Variants in AKAP10 observed in about 807,000 individuals in gnomAD.
The protein encoded by AKAP10 is A-kinase anchoring protein 10.
In AKAP10, 24 loss-of-function variants were observed where a neutral mutation model predicts 80.8. The ratio of observed to expected loss-of-function variants is 0.30; its 90% CI spans 0.22 to 0.42. AKAP10 has a LOEUF of 0.42. Ranked by LOEUF, AKAP10 falls within the 10% of genes least tolerant of loss-of-function variation. AKAP10 has a pLI of 1.00. For synonymous variants in AKAP10, 291 were observed against 277.7 expected (o/e 1.05, Z -0.48); for missense variants, 661 against 794.9 (o/e 0.83, Z 2.03).
chr17:19,947,411 G>T lies in AKAP10; in HGVS notation c.972C>A (p.Ile324=). ...IPITEAMRND[I]IARICGEDGQ... is the part of the protein sequence containing the mutation. Reference sequence around the variant, plus strand: ...ATAGTTTCAAGCACTGCTTACCTATGATGTCATTTCTCATTGCTTCTGTAA... The same window carrying T: ...ATAGTTTCAAGCACTGCTTACCTATTATGTCATTTCTCATTGCTTCTGTAA... The change falls in exon 5 of 15, where the codon ATC becomes ATA. Residue 324 remains isoleucine (I), a synonymous_variant. Transcript: ENST00000225737. The T allele has an allele frequency of 6.2e-7, 1 of 1,601,832 alleles. No homozygotes were observed.
chr17:19,926,220 G>A (rs1567756092), intron 10 of AKAP10, among the ~76,000 whole-genome samples: 2 of 150,268 alleles, frequency 1.3e-5, no homozygotes. Flanking sequence ...AAATCCATAG[G>A]ATCATTTATA....
At chr17:19,939,035 A>G (rs1293929049) in intron 8 of AKAP10, among the ~76,000 whole-genome samples, 2 of 152,158 alleles carry the variant, frequency 1.3e-5, no homozygotes, top group Non-Finnish European at 2.9e-5. Flanking sequence ...CCCGACCACG[A>G]ATTACTTTTT....
chr17:19,942,044 G>A (rs2043055642), intron 5 of AKAP10, 134 bp from the exon 6 acceptor site: 1 of 512,654 alleles, frequency 2.0e-6, no homozygotes, highest in Non-Finnish European at 3.1e-6. Flanking sequence ...AGAAAATACA[G>A]GTAACACTTG....
intron 5 of AKAP10, among the ~76,000 whole-genome samples, chr17:19,942,811 T>A (rs2043063597): frequency 1.3e-5 from 2 of 152,172 alleles, no homozygotes; most frequent in Admixed American, 1.3e-4. Context: ...GGGATCATAC[T>A]AGTGTCCTGG....
chr17:19,920,225 C>T (rs2042795067), intron 11 of AKAP10, 107 bp from the exon 12 acceptor site: 1 of 743,902 alleles, frequency 1.3e-6, no homozygotes, highest in Non-Finnish European at 2.2e-6. Context: ...GCCAGAAACA[C>T]AATTTATAGC....
chr17:19,906,578 A>G (rs923522113), intron 14 of AKAP10, among the ~76,000 whole-genome samples: 1 of 152,234 alleles, frequency 6.6e-6, no homozygotes, highest in Non-Finnish European at 1.5e-5. Context: ...AGCATATTCA[A>G]GAGGGATGGT....
intron 10 of AKAP10, chr17:19,929,235 G>C (rs1034088987): frequency 2.6e-5 from 4 of 152,154 alleles, no homozygotes; most frequent in Non-Finnish European, 5.9e-5. Context: ...TTTAAGTAAA[G>C]GGGGTTTCTA....
At chr17:19,925,119 G>C (rs1280001305) in intron 10 of AKAP10, among the ~76,000 whole-genome samples, 2 of 152,154 alleles carry the variant, frequency 1.3e-5, no homozygotes, top group East Asian at 1.9e-4. Context: ...AGCCAAGATT[G>C]TACCACTGCA....
At chr17:19,955,283 C>T (rs924666477) in intron 4 of AKAP10, among the ~76,000 whole-genome samples, 45 of 151,976 alleles carry the variant, frequency 3.0e-4, no homozygotes, top group Non-Finnish European at 2.9e-5. Flanking sequence ...GAAAGATCAG[C>T]GGTTGCCAAG....
chr17:19,925,445 T>C (rs1328159415), intron 10 of AKAP10, among the ~76,000 whole-genome samples: 3 of 152,160 alleles, frequency 2.0e-5, no homozygotes, highest in Non-Finnish European at 4.4e-5. Flanking sequence ...TCCTCCAGCA[T>C]TCTACCTCCT....
chr17:19,963,979 C>A (rs954006802), intron 2 of AKAP10, among the ~76,000 whole-genome samples: 1 of 151,872 alleles, frequency 6.6e-6, no homozygotes, highest in Non-Finnish European at 1.5e-5. Flanking sequence ...TCAGTATCAC[C>A]CCTTTGGCTT....
intron 4 of AKAP10, among the ~76,000 whole-genome samples, chr17:19,952,464 C>CAATA (rs57806192): frequency 0.073 from 10,886 of 148,146 alleles, 439 homozygotes; most frequent in Middle Eastern, 0.1. Flanking sequence ...AACTCTGTCT[C>CAATA]AATAAATAAA....
chr17:19,920,254 G>T, intron 11 of AKAP10, 136 bp from the exon 12 acceptor site: 1 of 604,104 alleles, frequency 1.7e-6, no homozygotes, highest in Non-Finnish European at 2.9e-6. Context: ...GTAATTTAAA[G>T]TAGGGATTAT....
At chr17:19,955,818 G>T (rs977910089) in intron 4 of AKAP10, among the ~76,000 whole-genome samples, 1 of 151,966 alleles carries the variant, frequency 6.6e-6, no homozygotes, top group Non-Finnish European at 1.5e-5. Context: ...CTGGGTGACA[G>T]AGTGAGACTC....
At chr17:19,952,959 A>G (rs1403941454) in intron 4 of AKAP10, among the ~76,000 whole-genome samples, 2 of 152,208 alleles carry the variant, frequency 1.3e-5, no homozygotes, top group Admixed American at 1.3e-4. Flanking sequence ...AACTGTCCAA[A>G]AACAGAATGT....
chr17:19,919,982 G>A, intron 12 of AKAP10, 54 bp downstream of exon 12: 1 of 1,448,820 alleles, frequency 6.9e-7, no homozygotes, highest in East Asian at 2.3e-5. Flanking sequence ...TTGACTTACA[G>A]TCAATCACTA....
chr17:19,951,658 G>A (rs1267111232), intron 4 of AKAP10, among the ~76,000 whole-genome samples: 2 of 152,048 alleles, frequency 1.3e-5, no homozygotes, highest in Non-Finnish European at 2.9e-5. Flanking sequence ...ATTAAGGGTG[G>A]TGCAAGATGT....
At chr17:19,933,087 C>T (rs2042955266) in intron 9 of AKAP10, among the ~76,000 whole-genome samples, 1 of 152,094 alleles carries the variant, frequency 6.6e-6, no homozygotes. Context: ...GGCATGATCT[C>T]GACTCACTGG....
intron 12 of AKAP10, among the ~76,000 whole-genome samples, chr17:19,918,848 T>C (rs1321854399): frequency 1.2e-4 from 19 of 152,192 alleles, no homozygotes. Context: ...TGTCTAACCC[T>C]TGGATTTGAC....
Sources: gnomAD v4.1 joint callset for allele counts (sites outside exome capture counted in the v4.1 genomes callset) on GRCh38, gnomAD v4.1.1 for gene constraint, MANE v1.5 for transcripts, NCBI Gene and HGNC (gene_info 2026-07-23, HGNC 2026-07-21) for gene names.